The following RYR3 variants were observed in gnomAD, a reference collection of about 807,000 sequenced individuals.
The protein encoded by RYR3 is brain ryanodine receptor-calcium release channel.
A neutral mutation model predicts 584.3 loss-of-function variants in RYR3; 207 were observed. That is an observed-to-expected ratio of 0.35 (90% confidence interval 0.32 to 0.40). The LOEUF (loss-of-function observed/expected upper bound fraction) is 0.40, where lower values mean the gene tolerates loss of function less well. Ranked by LOEUF, RYR3 falls within the 10% of genes least tolerant of loss-of-function variation. The probability of loss-of-function intolerance (pLI) is 1.00; values close to 1 mark genes in which losing one functional copy is unlikely to be tolerated. For missense variants in RYR3, 5,616 were observed against 6,089.2 expected, an observed-to-expected ratio of 0.92 and a Z score of 2.59; for synonymous variants, 2,416 against 2,248.5, an observed-to-expected ratio of 1.07 and a Z score of -2.11.
chr15:33,849,533 A>G (rs2152993155), intron 94 of RYR3: 1 of 152,328 alleles, frequency 6.6e-6, no homozygotes, highest in East Asian at 1.9e-4. Flanking sequence ...TCCTGTAACT[A>G]TCCAAAAAGT....
At chr15:33,374,224 T>C (rs1238046879) in intron 1 of RYR3, among the ~76,000 whole-genome samples, 2 of 152,188 alleles carry the variant, frequency 1.3e-5, no homozygotes, top group African/African-American at 4.8e-5. Context: ...CTCTGAGTAA[T>C]GGAGTATCAA....
At chr15:33,668,578 A>T (rs1201427090) in intron 36 of RYR3, among the ~76,000 whole-genome samples, 1 of 152,234 alleles carries the variant, frequency 6.6e-6, no homozygotes, top group Non-Finnish European at 1.5e-5. Flanking sequence ...TTAAGCATAA[A>T]TTAAAGCAAC....
Position 33,643,606 on chromosome 15 carries a change from C to T in RYR3, c.3557-705C>T, listed in dbSNP as rs76529658. On this transcript the variant is annotated intron_variant, in intron 27 of 103. Coordinates refer to ENST00000634891, the MANE Select transcript of RYR3 (RefSeq NM_001036.6). The stretch of plus-strand genomic sequence containing the variant: ...GTGTTTGTAAATTGTATTTTGTTAA[C>T]AAGCACAATCATAGTGCTAGCATTT... Among the ~76,000 whole-genome samples, 163 of 151,888 alleles carry T rather than the reference C, an allele frequency of 1.1e-3. 2 individuals are homozygous for T. In the East Asian group the frequency reaches 0.029, roughly 27 times the overall value.
chr15:33,800,887 A>T, intron 68 of RYR3, 30 bp downstream of exon 68: 1 of 1,466,088 alleles, frequency 6.8e-7, no homozygotes. Flanking sequence ...CTGGGTTTAG[A>T]ATGGTTGTGA....
At chr15:33,825,495 C>T (rs2077328053) in intron 81 of RYR3, 108 bp from the exon 82 acceptor site, 6 of 689,282 alleles carry the variant, frequency 8.7e-6, no homozygotes, top group African/African-American at 1.8e-5. Flanking sequence ...AGTTTATTTA[C>T]GATAACACAG....
rs568374992 is a variant in RYR3, at chr15:33,466,751, T to A, written c.52-6668T>A. On this transcript the variant is annotated intron_variant, in intron 1 of 103. Transcript: ENST00000634891. ...ATCTTTATTTTGGAATTTTTATACA[T>A]AAGCATATTTGTTAATATAAGTAGT... Among the ~76,000 whole-genome samples, 8 of 152,374 alleles carry A rather than the reference T, an allele frequency of 5.3e-5. No homozygotes were observed. The South Asian group carries it at 1.7e-3, about 32-fold the overall frequency.
chr15:33,442,213 T>A (rs146082559), intron 1 of RYR3, among the ~76,000 whole-genome samples: 64 of 152,342 alleles, frequency 4.2e-4, no homozygotes, highest in South Asian at 8.3e-4. Context: ...TTAATTAATG[T>A]AATAAATTAC....
At chr15:33,713,514 G>A (rs2067269814) in intron 43 of RYR3, among the ~76,000 whole-genome samples, 1 of 144,826 alleles carries the variant, frequency 6.9e-6, no homozygotes, top group Non-Finnish European at 1.6e-5. Flanking sequence ...TGATGATGGG[G>A]GTGGTGAGGG....
At chr15:33,450,616 T>A (rs1295048621) in intron 1 of RYR3, among the ~76,000 whole-genome samples, 2 of 151,620 alleles carry the variant, frequency 1.3e-5, no homozygotes, top group Non-Finnish European at 2.9e-5. Flanking sequence ...TTTTTTTTTT[T>A]AATACAATGT....
intron 2 of RYR3, among the ~76,000 whole-genome samples, chr15:33,480,658 TAA>T (rs1363197204): frequency 6.6e-6 from 1 of 152,204 alleles, no homozygotes; most frequent in African/African-American, 2.4e-5. Context: ...CAGTGGGATA[TAA>T]GTTTTAATTG....
chr15:33,861,331 C>T (rs531257801), intron 102 of RYR3, among the ~76,000 whole-genome samples, 153 bp downstream of exon 102: 1 of 152,288 alleles, frequency 6.6e-6, no homozygotes, highest in South Asian at 2.1e-4. Context: ...GACTCTGTCT[C>T]TCCCATGTGT....
intron 6 of RYR3, among the ~76,000 whole-genome samples, chr15:33,539,787 G>C (rs771539534): frequency 1.3e-5 from 2 of 152,020 alleles, no homozygotes; most frequent in Non-Finnish European, 2.9e-5. Context: ...TACAATAAAG[G>C]AAGACAGAAA....
chr15:33,355,575 C>T (rs956854896), intron 1 of RYR3, among the ~76,000 whole-genome samples: 5 of 152,186 alleles, frequency 3.3e-5, no homozygotes, highest in Non-Finnish European at 5.9e-5. Flanking sequence ...ATCAAAGCCA[C>T]GATTTAATCT....
intron 3 of RYR3, among the ~76,000 whole-genome samples, chr15:33,529,663 G>T (rs1298839330): frequency 6.6e-6 from 1 of 152,204 alleles, no homozygotes; most frequent in Non-Finnish European, 1.5e-5. Context: ...TCTCCAAAAA[G>T]GGTGTGTGAT....
intron 38 of RYR3, among the ~76,000 whole-genome samples, 172 bp from the exon 39 acceptor site, chr15:33,696,046 C>A (rs1465750967): frequency 6.7e-6 from 1 of 149,560 alleles, no homozygotes; most frequent in African/African-American, 2.5e-5. Context: ...CCTTCAGCCT[C>A]AGCCTCCCAA....
intron 1 of RYR3, among the ~76,000 whole-genome samples, chr15:33,315,775 T>G (rs1035428343): frequency 2.0e-5 from 3 of 151,646 alleles, no homozygotes; most frequent in African/African-American, 7.3e-5. Context: ...AGTAGGGGGG[T>G]GGTGGCACAT....
intron 94 of RYR3, chr15:33,850,792 A>T (rs2079050331): frequency 6.6e-6 from 1 of 152,170 alleles, no homozygotes. Context: ...CCCCTGTATT[A>T]TCCTCCCTGA....
Position 33,838,830 on chromosome 15 carries a change from C to G in RYR3, c.12850C>G (p.Leu4284Val). The stretch of plus-strand genomic sequence containing the variant: ...AGATATCATGTCAGACCTCTTTGGA[C>G]TCCACCCAAAGAAAGAGGGCAGCTT... ...DTDIMSDLFG[L>V]HPKKEGSLKH... The change falls in exon 89 of 104, where the codon CTC (leucine) becomes GTC (valine). Residue 4284 changes from leucine (L) to valine (V), a missense_variant. Around this residue, in one of 9 missense-constraint regions of RYR3, gnomAD observed 918 missense variants for 887.4 expected, o/e 1.03. Transcript: ENST00000634891. The G allele has an allele frequency of 6.2e-7, 1 of 1,613,944 alleles. No individual in the cohort carries two copies. Among genetic ancestry groups the G allele is most frequent in the Non-Finnish European group, 8.5e-7 (1 of 1,179,854 alleles).
At chr15:33,829,496 C>T (rs2077552067) in intron 85 of RYR3, among the ~76,000 whole-genome samples, 1 of 152,064 alleles carries the variant, frequency 6.6e-6, no homozygotes, top group Admixed American at 6.5e-5. Context: ...CATCTGTAAT[C>T]CTAGGACTTT....
Sources: allele counts gnomAD v4.1 joint callset (sites outside exome capture counted in the v4.1 genomes callset), GRCh38; gene constraint gnomAD v4.1.1; regional missense constraint gnomAD v4.1.1; transcripts MANE v1.5; gene names NCBI Gene and HGNC (gene_info 2026-07-23, HGNC 2026-07-21).